MALRD1: variants seen among roughly 807,000 people sequenced by gnomAD.
The protein encoded by MALRD1 is MAM and LDL receptor class A domain containing 1, also known as MAM and LDL-receptor class A domain-containing protein 1.
A neutral mutation model predicts 242.1 loss-of-function variants in MALRD1; 247 were observed. That is an observed-to-expected ratio of 1.02 (90% CI 0.92 to 1.13). The LOEUF (loss-of-function observed/expected upper bound fraction) is 1.13. Among genes scored for constraint, MALRD1 ranks in the 50% most tolerant of loss-of-function variants. The pLI, the probability that MALRD1 is intolerant of heterozygous loss-of-function variation, is 0.00. For missense variants in MALRD1, 2,989 were observed against 2,533.1 expected, an observed-to-expected ratio of 1.18 and a Z score of -3.86; for synonymous variants, 995 against 866.6, an observed-to-expected ratio of 1.15 and a Z score of -2.60.
intron 5 of MALRD1, among the ~76,000 whole-genome samples, chr10:19,116,351 C>T (rs1353552364): frequency 6.6e-6 from 1 of 152,134 alleles, no homozygotes; most frequent in Non-Finnish European, 1.5e-5. Flanking sequence ...TCAAATATAC[C>T]AATCATCCCT....
At chr10:19,366,827 A>G (rs929167089) in intron 26 of MALRD1, among the ~76,000 whole-genome samples, 14 of 152,114 alleles carry the variant, frequency 9.2e-5, no homozygotes, top group Admixed American at 2.0e-4. Flanking sequence ...ATTTTAAAAT[A>G]TGTATATCAC....
intron 29 of MALRD1, among the ~76,000 whole-genome samples, chr10:19,467,778 T>A (rs115822099): frequency 0.052 from 7,196 of 137,148 alleles, 572 homozygotes; most frequent in African/African-American, 0.18. Flanking sequence ...ACATACTTTT[T>A]AAATTTTTTT....
intron 23 of MALRD1, among the ~76,000 whole-genome samples, chr10:19,327,998 G>A (rs1843208630): frequency 6.6e-6 from 1 of 152,092 alleles, no homozygotes; most frequent in African/African-American, 2.4e-5. Flanking sequence ...AGCTTGTACA[G>A]CAATTAATTC....
chr10:19,226,570 C>T (rs1193638721), intron 18 of MALRD1, among the ~76,000 whole-genome samples: 2 of 151,904 alleles, frequency 1.3e-5, no homozygotes, highest in Non-Finnish European at 2.9e-5. Context: ...GTGGAATTCC[C>T]ATGAAACCTT....
chr10:19,141,552 C>G (rs149559000), intron 10 of MALRD1, among the ~76,000 whole-genome samples: 8 of 151,590 alleles, frequency 5.3e-5, no homozygotes, highest in Admixed American at 5.3e-4. Flanking sequence ...TATATTTTAC[C>G]ACAATAAAAT....
chr10:19,637,187 C>T (rs1260495770), intron 36 of MALRD1, among the ~76,000 whole-genome samples: 3 of 152,004 alleles, frequency 2.0e-5, no homozygotes, highest in Admixed American at 1.3e-4. Context: ...CATATGTCAA[C>T]CTAACAAATA....
intron 32 of MALRD1, among the ~76,000 whole-genome samples, chr10:19,540,545 G>A (rs1046268141): frequency 2.0e-5 from 3 of 152,076 alleles, no homozygotes; most frequent in Non-Finnish European, 4.4e-5. Context: ...ACTTAATCAG[G>A]TACTAGGTTA....
chr10:19,498,262 G>A (rs1041857593), intron 30 of MALRD1, among the ~76,000 whole-genome samples: 6 of 152,006 alleles, frequency 3.9e-5, no homozygotes, highest in Admixed American at 2.6e-4. Flanking sequence ...AATATTATTC[G>A]TCAATGCATA....
chr10:19,245,898 T>G (rs1839021603), intron 18 of MALRD1, among the ~76,000 whole-genome samples: 1 of 152,212 alleles, frequency 6.6e-6, no homozygotes, highest in Non-Finnish European at 1.5e-5. Flanking sequence ...ATGTGACAAT[T>G]CATTCTAGCT....
intron 21 of MALRD1, among the ~76,000 whole-genome samples, chr10:19,290,917 A>T (rs1333875958): frequency 6.6e-6 from 1 of 152,088 alleles, no homozygotes; most frequent in African/African-American, 2.4e-5. Flanking sequence ...TGACCTACAC[A>T]ATTAGTTTAA....
Position 19,123,703 on chromosome 10 carries a change from G to A in MALRD1, c.796+110G>A, listed in dbSNP as rs540933679. On this transcript the variant is annotated intron_variant, in intron 6 of 39. Transcript: ENST00000454679. The stretch of plus-strand genomic sequence containing the variant: ...AACCTTTGTTGACATTAATGTCCTA[G>A]TTTTAGCTGGAGTGTTTTTGGGAGG... 2.1e-5 allele frequency: 11 copies of A among 515,680 alleles called. No homozygotes were observed. In the East Asian group the frequency reaches 3.2e-4, roughly 15 times the overall value. 31.9% of individuals were successfully genotyped at this position (515,680 alleles called of 1,614,324 possible). A position where few individuals can be genotyped will look rare whatever the true frequency, so the allele number is the denominator to read the frequency against.
chr10:19,324,951 G>A (rs1843053320), intron 22 of MALRD1, among the ~76,000 whole-genome samples: 1 of 136,410 alleles, frequency 7.3e-6, no homozygotes, highest in South Asian at 2.4e-4. Flanking sequence ...TTAAGGATGT[G>A]TAAAATATTT....
At chr10:19,412,460 G>A (rs887201174) in intron 28 of MALRD1, among the ~76,000 whole-genome samples, 2 of 152,190 alleles carry the variant, frequency 1.3e-5, no homozygotes, top group Non-Finnish European at 2.9e-5. Context: ...AATCTTGTAT[G>A]GGGGCTGAAA....
At position 19,347,770 on chromosome 10, in the gene MALRD1, G is replaced by A. The variant is rs1383998473; in HGVS notation, c.3902-1G>A. 3 of 1,549,598 alleles carry A rather than the reference G, an allele frequency of 1.9e-6. No individual in the cohort carries two copies. Among genetic ancestry groups the A allele is most frequent in the Non-Finnish European group, 2.6e-6 (3 of 1,146,550 alleles). ...AACATATATTTGGAAATATTTTCCA[G>A]GTACCTCCAGTGGGCGCTGTGATTT... On this transcript the variant is annotated splice_acceptor_variant, in intron 24 of 39. Transcript: ENST00000454679. LOFTEE classifies it high-confidence loss of function.
chr10:19,320,022 C>T (rs1015915316), intron 21 of MALRD1, among the ~76,000 whole-genome samples: 3 of 143,088 alleles, frequency 2.1e-5, no homozygotes, highest in Middle Eastern at 3.9e-3. Context: ...AAACTGCTAA[C>T]CTGAGTTTTA....
At chr10:19,176,869 C>T (rs374381446) in intron 14 of MALRD1, among the ~76,000 whole-genome samples, 1 of 130,582 alleles carries the variant, frequency 7.7e-6, no homozygotes, top group South Asian at 2.3e-4. Flanking sequence ...TGCATGTGTG[C>T]ATGTGTGTGT....
rs1589102314 is a variant in MALRD1 at position 19,452,725 on chromosome 10, A to G, written c.5029+2235A>G. Among the ~76,000 whole-genome samples the G allele has an allele frequency of 2.0e-5, 3 of 152,316 alleles. No homozygotes were observed. The East Asian group carries it at 5.8e-4, about 29-fold the overall frequency. On this transcript the variant is annotated intron_variant, in intron 29 of 39. Coordinates refer to ENST00000454679, the MANE Select transcript of MALRD1 (RefSeq NM_001142308.3). ...AGGTCTGTGTAACATGGATGATCAG[A>G]AGGAGCTTAGAGTGTAAGTTACACT...
intron 19 of MALRD1, among the ~76,000 whole-genome samples, chr10:19,270,336 T>TCTCACACACACACACA (rs1366865915): frequency 1.5e-5 from 2 of 130,876 alleles, no homozygotes; most frequent in African/African-American, 5.5e-5. Context: ...TCTCTCTCTC[T>TCTCACACACACACACA]CACACACACA....
chr10:19,352,159 G>T lies in MALRD1; in HGVS notation c.4303G>T (p.Asp1435Tyr). 1 of 1,550,570 alleles carries T rather than the reference G, an allele frequency of 6.4e-7. No individual in the cohort carries two copies. The highest frequency in any genetic ancestry group is 8.7e-7 in the Non-Finnish European group (1 of 1,146,952). Residue 1435 changes from aspartate (D) to tyrosine (Y), a missense_variant, in exon 26 of 40, where the codon GAC becomes TAC. Coordinates refer to ENST00000454679, the MANE Select transcript of MALRD1 (RefSeq NM_001142308.3). ...REELSLFGDE[D>Y]FQLKFEGRVG... The stretch of plus-strand genomic sequence containing the variant: ...AGAACTGTCACTGTTTGGTGATGAA[G>T]ACTTCCAACTCAAATTTGAAGGTAG...
Sources: allele counts gnomAD v4.1 joint callset (sites outside exome capture counted in the v4.1 genomes callset), GRCh38; gene constraint gnomAD v4.1.1; transcripts MANE v1.5; gene names NCBI Gene and HGNC (gene_info 2026-07-23, HGNC 2026-07-21).